Variants in FOXP1 observed in about 807,000 individuals in gnomAD.
FOXP1 encodes the protein forkhead box protein P1.
FOXP1 carries 15 observed loss-of-function variants against 98.2 expected under a neutral mutation model. That is an observed-to-expected ratio of 0.15 (90% CI 0.10 to 0.24). The LOEUF (loss-of-function observed/expected upper bound fraction) is 0.24, where lower values mean the gene tolerates loss of function less well. Ranked by LOEUF, FOXP1 falls within the 10% of genes least tolerant of loss-of-function variation. The pLI is 1.00. For synonymous variants in FOXP1, 371 were observed against 314.5 expected (o/e 1.18, Z -1.90); for missense variants, 633 against 848.5 (o/e 0.75, Z 3.15).
At chr3:71,231,835 T>C (rs1182623466) in intron 5 of FOXP1, among the ~76,000 whole-genome samples, 2 of 152,260 alleles carry the variant, frequency 1.3e-5, no homozygotes, top group African/African-American at 4.8e-5. Context: ...CCTAGATTCC[T>C]AGAAATTTAG....
chr3:71,582,705 A>G (rs1333531257), intron 1 of FOXP1: 1 of 984,952 alleles, frequency 1.0e-6, no homozygotes, highest in Non-Finnish European at 1.2e-6. Flanking sequence ...CCACCCGTGG[A>G]TCTGGCCACG....
At chr3:71,246,839 A>T (rs1226980699) in intron 5 of FOXP1, among the ~76,000 whole-genome samples, 1 of 152,220 alleles carries the variant, frequency 6.6e-6, no homozygotes, top group Non-Finnish European at 1.5e-5. Context: ...CATCATTTTC[A>T]TTAGCCTGTC....
intron 12 of FOXP1, among the ~76,000 whole-genome samples, chr3:71,003,000 T>C (rs796990415): frequency 5.9e-5 from 9 of 152,232 alleles, no homozygotes; most frequent in African/African-American, 1.7e-4. Flanking sequence ...GGTAAGGAAA[T>C]AGTACTAAAC....
chr3:71,583,289 G>GGCA (rs2048335372), intron 1 of FOXP1, among the ~76,000 whole-genome samples: 1 of 152,014 alleles, frequency 6.6e-6, no homozygotes, highest in South Asian at 2.1e-4. Context: ...GGGTGCGGGC[G>GGCA]CCGCCGGAGC....
At chr3:71,041,846 G>T (rs1576377585) in intron 10 of FOXP1, among the ~76,000 whole-genome samples, 1 of 152,078 alleles carries the variant, frequency 6.6e-6, no homozygotes, top group Admixed American at 6.6e-5. Flanking sequence ...ATGAAAAGTA[G>T]ATAGATGTTA....
At chr3:71,138,969 G>A (rs1399681543) in intron 6 of FOXP1, among the ~76,000 whole-genome samples, 4 of 151,996 alleles carry the variant, frequency 2.6e-5, no homozygotes, top group Non-Finnish European at 5.9e-5. Context: ...CTAGAAATAT[G>A]ATGAACGGAT....
At chr3:71,262,764 C>T (rs1254595016) in intron 5 of FOXP1, among the ~76,000 whole-genome samples, 1 of 152,216 alleles carries the variant, frequency 6.6e-6, no homozygotes, top group East Asian at 1.9e-4. Flanking sequence ...TGACTTTTTG[C>T]TTTTTAAAAA....
chr3:71,063,575 TA>T (rs2051851475), intron 7 of FOXP1, among the ~76,000 whole-genome samples: 2 of 152,354 alleles, frequency 1.3e-5, no homozygotes, highest in East Asian at 3.9e-4. Context: ...CTTTAAACTT[TA>T]AAAAATCTGG....
rs572648573 is a variant in FOXP1 at position 71,116,158 on chromosome 3, A to G, written c.181-3521T>C. Reference sequence around the variant, plus strand: ...CTCTACAGAATGATCACACATTTCAAAATTAGCTACTGGGATCCTCAGATT... The same window carrying G: ...CTCTACAGAATGATCACACATTTCAGAATTAGCTACTGGGATCCTCAGATT... On this transcript the variant is annotated intron_variant, in intron 6 of 20. Transcript: ENST00000649528. Among the ~76,000 whole-genome samples, 3 of 152,342 alleles carry G rather than the reference A, an allele frequency of 2.0e-5. No homozygotes were observed. The East Asian group carries it at 5.8e-4, about 29-fold the overall frequency.
chr3:71,101,603 A>C (rs1438212283), intron 7 of FOXP1, among the ~76,000 whole-genome samples: 1 of 152,008 alleles, frequency 6.6e-6, no homozygotes, highest in Non-Finnish European at 1.5e-5. Flanking sequence ...TTTAGTGACA[A>C]TAAAATTCAA....
chr3:71,403,112 T>G (rs2082056943), intron 3 of FOXP1, among the ~76,000 whole-genome samples: 1 of 152,244 alleles, frequency 6.6e-6, no homozygotes, highest in Non-Finnish European at 1.5e-5. Flanking sequence ...GTTTTTTCTT[T>G]CTGGTAGAAA....
At chr3:71,011,470 T>G (rs1348558196) in intron 12 of FOXP1, among the ~76,000 whole-genome samples, 1 of 152,088 alleles carries the variant, frequency 6.6e-6, no homozygotes. Context: ...AGCCCCCAGA[T>G]GAAGACAACA....
At chr3:71,117,283 C>T (rs140089709) in intron 6 of FOXP1, among the ~76,000 whole-genome samples, 5 of 151,950 alleles carry the variant, frequency 3.3e-5, no homozygotes, top group Non-Finnish European at 5.9e-5. Flanking sequence ...GACGGGGTCT[C>T]ATTGTGTTGC....
At chr3:71,539,242 G>C (rs2044586544) in intron 2 of FOXP1, among the ~76,000 whole-genome samples, 1 of 149,220 alleles carries the variant, frequency 6.7e-6, no homozygotes, top group African/African-American at 2.5e-5. Flanking sequence ...CTCCCTAGTA[G>C]CTGGGACTAC....
chr3:70,970,218 C>T (rs2035911159), intron 19 of FOXP1: 1 of 167,422 alleles, frequency 6.0e-6, no homozygotes, highest in Non-Finnish European at 1.3e-5. Context: ...TTAAACACCT[C>T]TATTGTTTAA....
chr3:71,360,990 A>G (rs2078523396), intron 3 of FOXP1, among the ~76,000 whole-genome samples: 3 of 152,104 alleles, frequency 2.0e-5, no homozygotes, highest in African/African-American at 7.2e-5. Flanking sequence ...TGTCCACACT[A>G]TGTTTTCTAG....
intron 10 of FOXP1, among the ~76,000 whole-genome samples, chr3:71,042,119 T>C (rs901561005): frequency 6.6e-6 from 1 of 152,212 alleles, no homozygotes; most frequent in Admixed American, 6.5e-5. Flanking sequence ...TCCTCATTAA[T>C]TTTGGTTTCT....
intron 5 of FOXP1, among the ~76,000 whole-genome samples, chr3:71,227,727 G>A (rs1274734623): frequency 2.1e-5 from 3 of 142,240 alleles, no homozygotes; most frequent in African/African-American, 8.2e-5. Context: ...CATGCTCAAT[G>A]TTTTTAAAAA....
At chr3:71,052,490 G>T in intron 9 of FOXP1, 47 bp downstream of exon 9, 1 of 876,228 alleles carries the variant, frequency 1.1e-6, no homozygotes, top group East Asian at 2.4e-5. Context: ...CCACTAGATA[G>T]TCCTCTGGGA....
Sources: gnomAD v4.1 joint callset for allele counts (sites outside exome capture counted in the v4.1 genomes callset) on GRCh38, gnomAD v4.1.1 for gene constraint, MANE v1.5 for transcripts, NCBI Gene and HGNC (gene_info 2026-07-23, HGNC 2026-07-21) for gene names.